Variants in IMMP2L observed in about 807,000 individuals in gnomAD.
IMMP2L encodes mitochondrial inner membrane protease subunit 2.
In IMMP2L, 18 loss-of-function variants were observed where a neutral mutation model predicts 19.3. The ratio of observed to expected loss-of-function variants is 0.93; its 90% CI spans 0.64 to 1.38. IMMP2L has a LOEUF of 1.38. Ranked by LOEUF, IMMP2L falls within the 40% of genes most tolerant of loss-of-function variation. The pLI is 0.00. For missense variants in IMMP2L, 233 were observed against 218.2 expected, an observed-to-expected ratio of 1.07 and a Z score of -0.43; for synonymous variants, 76 against 73.0, an observed-to-expected ratio of 1.04 and a Z score of -0.21.
chr7:110,900,547 T>C (rs1321281955), intron 4 of IMMP2L, among the ~76,000 whole-genome samples: 1 of 152,204 alleles, frequency 6.6e-6, no homozygotes, highest in Non-Finnish European at 1.5e-5. Context: ...TCCAACCATG[T>C]CATCCTTCTG....
chr7:111,183,239 G>A (rs762562398), intron 3 of IMMP2L, among the ~76,000 whole-genome samples: 1 of 151,932 alleles, frequency 6.6e-6, no homozygotes, highest in African/African-American at 2.4e-5. Flanking sequence ...AAATTATGTC[G>A]ATAAAATATC....
chr7:111,091,654 T>C (rs1310276441), intron 3 of IMMP2L: 2 of 152,190 alleles, frequency 1.3e-5, no homozygotes, highest in African/African-American at 2.4e-5. Context: ...GAGAAGAAAT[T>C]CACATGCAAA....
chr7:111,340,717 T>C (rs1826924009), intron 3 of IMMP2L, among the ~76,000 whole-genome samples: 1 of 151,990 alleles, frequency 6.6e-6, no homozygotes, highest in South Asian at 2.1e-4. Flanking sequence ...GAAACATAAA[T>C]CATAGAACAG....
chr7:111,490,042 C>T (rs951411272), intron 2 of IMMP2L, among the ~76,000 whole-genome samples: 1 of 151,278 alleles, frequency 6.6e-6, no homozygotes, highest in Non-Finnish European at 1.5e-5. Context: ...GTGATCCGCC[C>T]GCCTCAGCCT....
At chr7:111,257,409 G>C (rs1188653660) in intron 3 of IMMP2L, among the ~76,000 whole-genome samples, 1 of 152,088 alleles carries the variant, frequency 6.6e-6, no homozygotes, top group Non-Finnish European at 1.5e-5. Flanking sequence ...GCAATTGCAA[G>C]TTTAAATAAC....
intron 3 of IMMP2L, among the ~76,000 whole-genome samples, chr7:111,403,770 A>C (rs1242213232): frequency 6.6e-6 from 1 of 152,126 alleles, no homozygotes; most frequent in Admixed American, 6.6e-5. Context: ...AAAGGGTAGA[A>C]GTGAGGATCC....
At chr7:110,749,438 A>G (rs1383193615) in intron 5 of IMMP2L, among the ~76,000 whole-genome samples, 1 of 152,176 alleles carries the variant, frequency 6.6e-6, no homozygotes, top group Non-Finnish European at 1.5e-5. Context: ...ATAAAGACAC[A>G]TGCAAACGTT....
At chr7:111,547,878 G>A (rs553462899) in intron 1 of IMMP2L, among the ~76,000 whole-genome samples, 7 of 152,112 alleles carry the variant, frequency 4.6e-5, no homozygotes, top group East Asian at 1.9e-4. Context: ...ATGCCACCAC[G>A]TCCAGCTAAT....
chr7:110,929,552 A>G (rs1241277272), intron 4 of IMMP2L, among the ~76,000 whole-genome samples: 1 of 152,180 alleles, frequency 6.6e-6, no homozygotes, highest in Admixed American at 6.6e-5. Context: ...GGCTGTTTCT[A>G]TACAAGTACT....
intron 4 of IMMP2L, among the ~76,000 whole-genome samples, chr7:110,905,122 T>C (rs531144519): frequency 1.3e-5 from 2 of 152,190 alleles, no homozygotes; most frequent in African/African-American, 4.8e-5. Context: ...TATCTATTAC[T>C]GATGGGACTT....
In IMMP2L at chr7:111,518,514, C is replaced by T. The variant is rs1387579034; in HGVS notation, c.135+2799G>A. Among the ~76,000 whole-genome samples the T allele has an allele frequency of 1.3e-5, 2 of 152,068 alleles. 1 individual carries two copies. Among genetic ancestry groups the T allele is most frequent in the Non-Finnish European group, 2.9e-5 (2 of 67,982 alleles). Reference sequence around the variant, plus strand: ...ATGCTCAGTGACTTCCAGAGATCTCCACACCATGCCAACTATTTCAGTCCT... The same window carrying T: ...ATGCTCAGTGACTTCCAGAGATCTCTACACCATGCCAACTATTTCAGTCCT... On this transcript the variant is annotated intron_variant, in intron 2 of 5. Transcript: ENST00000405709.
intron 5 of IMMP2L, among the ~76,000 whole-genome samples, chr7:110,777,733 T>C (rs544717122): frequency 1.6e-4 from 25 of 152,142 alleles, no homozygotes; most frequent in Admixed American, 3.3e-4. Flanking sequence ...AGATCCACTA[T>C]ATCAAAATTT....
chr7:111,001,938 C>T (rs970232654), intron 3 of IMMP2L, among the ~76,000 whole-genome samples: 1 of 152,138 alleles, frequency 6.6e-6, no homozygotes, highest in Non-Finnish European at 1.5e-5. Context: ...TGATCACATT[C>T]AAATTCCTCC....
chr7:111,167,929 T>C (rs1369150202), intron 3 of IMMP2L, among the ~76,000 whole-genome samples: 5 of 152,016 alleles, frequency 3.3e-5, no homozygotes. Flanking sequence ...GCTTATTTTT[T>C]TTATTTTGCA....
chr7:110,818,316 C>T, intron 5 of IMMP2L, among the ~76,000 whole-genome samples: 1 of 152,122 alleles, frequency 6.6e-6, no homozygotes, highest in Non-Finnish European at 1.5e-5. Flanking sequence ...TATGAACACA[C>T]AATTCTCAAA....
intron 4 of IMMP2L, among the ~76,000 whole-genome samples, chr7:110,941,109 T>A (rs10249084): frequency 0.15 from 22,754 of 152,108 alleles, 3,393 homozygotes; most frequent in African/African-American, 0.39. Flanking sequence ...AATACCCCTT[T>A]AGGTTAAATG....
At chr7:110,773,064 G>A (rs896960477) in intron 5 of IMMP2L, among the ~76,000 whole-genome samples, 2 of 151,862 alleles carry the variant, frequency 1.3e-5, no homozygotes, top group African/African-American at 2.4e-5. Context: ...ATATTCCCAA[G>A]GCAATGTATA....
At chr7:110,995,719 A>G (rs930955871) in intron 3 of IMMP2L, among the ~76,000 whole-genome samples, 6 of 152,040 alleles carry the variant, frequency 3.9e-5, no homozygotes, top group Non-Finnish European at 8.8e-5. Flanking sequence ...CCCATTAGGA[A>G]CCCTGGACCA....
At chr7:111,345,392 A>T (rs1758470082) in intron 3 of IMMP2L, among the ~76,000 whole-genome samples, 1 of 152,122 alleles carries the variant, frequency 6.6e-6, no homozygotes. Context: ...AATAAGCCCT[A>T]TGTTGCACAC....
Sources: allele counts gnomAD v4.1 joint callset (sites outside exome capture counted in the v4.1 genomes callset), GRCh38; gene constraint gnomAD v4.1.1; transcripts MANE v1.5; gene names NCBI Gene and HGNC (gene_info 2026-07-23, HGNC 2026-07-21).